The following STK31 variants were observed in gnomAD, a reference collection of about 807,000 sequenced individuals.
STK31 encodes the protein serine/threonine-protein kinase 31.
In STK31, 89 loss-of-function variants were observed where a neutral mutation model predicts 129.7. That is an observed-to-expected ratio of 0.69 (90% CI 0.58 to 0.82). The LOEUF (loss-of-function observed/expected upper bound fraction) is 0.82. Ranked by LOEUF, STK31 falls within the 40% of genes least tolerant of loss-of-function variation. The pLI is 0.00. For synonymous variants in STK31, 448 were observed against 395.3 expected (o/e 1.13, Z -1.58); for missense variants, 1,187 against 1,176.4 (o/e 1.01, Z -0.13).
At position 23,792,969 on chromosome 7, in the gene STK31, C is replaced by G. The variant is rs551226404; in HGVS notation, c.2760+2023C>G. Among the ~76,000 whole-genome samples the G allele has an allele frequency of 6.6e-5, 10 of 152,300 alleles. No individual in the cohort carries two copies. In the East Asian group the frequency reaches 1.9e-3, roughly 29 times the overall value. ...TCCAGGAGTTTAAGGCTACAGTAAGCTATGACTGCTCCACTGCACTCCAGC... is the reference window on the plus strand; with the variant it reads ...TCCAGGAGTTTAAGGCTACAGTAAGGTATGACTGCTCCACTGCACTCCAGC... On this transcript the variant is annotated intron_variant, in intron 22 of 23. Transcript: ENST00000355870.
intron 22 of STK31, among the ~76,000 whole-genome samples, chr7:23,802,428 G>A (rs918771191): frequency 2.0e-5 from 3 of 152,200 alleles, no homozygotes; most frequent in Admixed American, 6.5e-5. Context: ...TCACTGTGGT[G>A]CCTAGATAAG....
intron 15 of STK31, among the ~76,000 whole-genome samples, chr7:23,780,266 G>A (rs1175699871): frequency 6.6e-6 from 1 of 152,010 alleles, no homozygotes; most frequent in Non-Finnish European, 1.5e-5. Flanking sequence ...GCTGCAGACC[G>A]GAGCTGTTAC....
At chr7:23,728,397 T>C (rs1787214360) in intron 5 of STK31, among the ~76,000 whole-genome samples, 1 of 152,172 alleles carries the variant, frequency 6.6e-6, no homozygotes, top group Non-Finnish European at 1.5e-5. Context: ...TCTGAATAGC[T>C]TGGTTTAAAA....
At chr7:23,716,484 A>G (rs928266541) in intron 3 of STK31, among the ~76,000 whole-genome samples, 15 of 152,084 alleles carry the variant, frequency 9.9e-5, no homozygotes, top group African/African-American at 3.6e-4. Flanking sequence ...TTTCTGTTCA[A>G]CTTTTCACCC....
At chr7:23,734,435 G>A (rs1165273343) in intron 6 of STK31, among the ~76,000 whole-genome samples, 2 of 152,214 alleles carry the variant, frequency 1.3e-5, no homozygotes, top group African/African-American at 2.4e-5. Context: ...AGAAATTTGG[G>A]AAGAGCAGTT....
chr7:23,733,831 A>T lies in STK31; in HGVS notation c.484-1707A>T, dbSNP rs530932440. Among the ~76,000 whole-genome samples the T allele has an allele frequency of 2.6e-5, 4 of 152,232 alleles. No homozygotes were observed. The South Asian group carries it at 8.3e-4, about 32-fold the overall frequency. On this transcript the variant is annotated intron_variant, in intron 6 of 23. Coordinates refer to ENST00000355870, the MANE Select transcript of STK31 (RefSeq NM_031414.5). The stretch of plus-strand genomic sequence containing the variant: ...TCAAAAAATAAAAAAATAAAAAAAA[A>T]ATGTGTCCCAATGAAATAATTTTTT...
chr7:23,749,529 TTTG>T (rs1788565124), intron 8 of STK31, among the ~76,000 whole-genome samples: 10 of 147,870 alleles, frequency 6.8e-5, no homozygotes, highest in Non-Finnish European at 7.5e-5. Flanking sequence ...TTTTTTTTTT[TTTG>T]GGGGTAGAGA....
intron 23 of STK31, among the ~76,000 whole-genome samples, chr7:23,824,046 T>C (rs2128131348): frequency 6.6e-6 from 1 of 152,358 alleles, no homozygotes; most frequent in African/African-American, 2.4e-5. Context: ...CCTCCAGCTT[T>C]GTTCTTTTGG....
At chr7:23,816,949 G>T (rs1793502594) in intron 23 of STK31, among the ~76,000 whole-genome samples, 1 of 152,144 alleles carries the variant, frequency 6.6e-6, no homozygotes, top group Non-Finnish European at 1.5e-5. Flanking sequence ...ACTTTGGGAG[G>T]CCGAGGTGGG....
intron 6 of STK31, among the ~76,000 whole-genome samples, chr7:23,729,511 G>GT (rs72476098): frequency 0.07 from 8,471 of 121,684 alleles, 333 homozygotes; most frequent in South Asian, 0.12. Flanking sequence ...GTCTCTTTTT[G>GT]TTTTTTTTTT....
At chr7:23,807,659 A>G in intron 22 of STK31, among the ~76,000 whole-genome samples, 1 of 151,924 alleles carries the variant, frequency 6.6e-6, no homozygotes, top group African/African-American at 2.4e-5. Context: ...CTCTTTTTCT[A>G]GGACTCTGAT....
intron 8 of STK31, among the ~76,000 whole-genome samples, chr7:23,747,432 C>T (rs552397825): frequency 4.2e-4 from 64 of 152,078 alleles, no homozygotes; most frequent in Admixed American, 5.2e-4. Context: ...TGCAGTGGCG[C>T]GATGTCTGCT....
At chr7:23,726,161 A>T (rs1361192057) in intron 4 of STK31, 5 of 152,212 alleles carry the variant, frequency 3.3e-5, no homozygotes, top group Non-Finnish European at 7.3e-5. Context: ...AATGATATCC[A>T]TCTAAATCAT....
intron 6 of STK31, among the ~76,000 whole-genome samples, chr7:23,734,066 C>A (rs1021898087): frequency 6.6e-6 from 1 of 152,048 alleles, no homozygotes; most frequent in African/African-American, 2.4e-5. Flanking sequence ...CCCCACACCC[C>A]CTATTTCTTT....
intron 11 of STK31, among the ~76,000 whole-genome samples, 172 bp downstream of exon 11, chr7:23,763,095 T>C (rs1789569882): frequency 6.6e-6 from 1 of 152,198 alleles, no homozygotes; most frequent in South Asian, 2.1e-4. Flanking sequence ...TAATATATTT[T>C]GTGGCTATGT....
At chr7:23,818,660 G>A (rs142733353) in intron 23 of STK31, among the ~76,000 whole-genome samples, 9 of 148,668 alleles carry the variant, frequency 6.1e-5, no homozygotes, top group East Asian at 3.9e-4. Flanking sequence ...AATAAAGTCC[G>A]AAGTCCCAGG....
At chr7:23,736,574 G>C (rs1787728444) in intron 7 of STK31, among the ~76,000 whole-genome samples, 1 of 135,176 alleles carries the variant, frequency 7.4e-6, no homozygotes, top group East Asian at 2.1e-4. Context: ...ATCACAGGAC[G>C]GGGGGATCAC....
In STK31 at chr7:23,785,581, A is replaced by T. The variant is rs1227246831; in HGVS notation, c.2252A>T (p.Asn751Ile). Residue 751 changes from asparagine (N) to isoleucine (I), a missense_variant, in exon 18 of 24, where the codon AAT (asparagine) becomes ATT (isoleucine). By Grantham distance (149) the Asn-to-Ile change is moderately radical. This residue lies in a region of STK31 where 975 missense variants were observed against 934.9 expected (regional missense o/e 1.04). Coordinates refer to ENST00000355870, the MANE Select transcript of STK31 (RefSeq NM_031414.5). ...CGTCCTTTGGTACGTTCTGAGGTTA[A>T]TGGGCAGATAATTCTGTTAAAGGTA... ...SKRPLVRSEVNGQIILLKGYS... is the reference protein window; with the variant it reads ...SKRPLVRSEVIGQIILLKGYS... 6.2e-7 allele frequency: 1 copy of T among 1,613,502 alleles called. No individual in the cohort carries two copies. The highest frequency in any genetic ancestry group is 1.7e-5 in the Admixed American group (1 of 60,010).
intron 22 of STK31, among the ~76,000 whole-genome samples, chr7:23,814,676 T>C (rs1383132343): frequency 6.6e-6 from 1 of 152,154 alleles, no homozygotes; most frequent in Non-Finnish European, 1.5e-5. Flanking sequence ...CCTTTGTGTA[T>C]GTAAAAAATT....
Sources: allele counts gnomAD v4.1 joint callset (sites outside exome capture counted in the v4.1 genomes callset), GRCh38; gene constraint gnomAD v4.1.1; regional missense constraint gnomAD v4.1.1; transcripts MANE v1.5; gene names NCBI Gene and HGNC (gene_info 2026-07-23, HGNC 2026-07-21).